KCNB2: variants seen among roughly 807,000 people sequenced by gnomAD.
KCNB2 encodes potassium voltage-gated channel subfamily B member 2, also known as delayed rectifier potassium channel protein.
KCNB2 carries 15 observed loss-of-function variants against 61.5 expected under a neutral mutation model. The ratio of observed to expected loss-of-function variants is 0.24; its 90% CI spans 0.16 to 0.38. The LOEUF (loss-of-function observed/expected upper bound fraction) is 0.38, where lower values mean the gene tolerates loss of function less well. Ranked by LOEUF, KCNB2 falls within the 10% of genes least tolerant of loss-of-function variation. KCNB2 has a pLI of 1.00. For missense variants in KCNB2, 828 were observed against 1,125.2 expected (o/e 0.74, Z 3.78); for synonymous variants, 457 against 446.0 (o/e 1.02, Z -0.31).
chr8:72,557,643 T>C (rs1563522214), intron 1 of KCNB2, among the ~76,000 whole-genome samples: 1 of 152,162 alleles, frequency 6.6e-6, no homozygotes, highest in Non-Finnish European at 1.5e-5. Context: ...CACAGAAATC[T>C]CACAGAACCA....
chr8:72,692,235 C>CA (rs34131843), intron 2 of KCNB2, among the ~76,000 whole-genome samples: 1,791 of 77,004 alleles, frequency 0.023, 42 homozygotes, highest in African/African-American at 0.062. Context: ...GACTCTGTCT[C>CA]AAAAAAAAAA....
At chr8:72,865,426 G>A (rs1805501278) in intron 2 of KCNB2, among the ~76,000 whole-genome samples, 1 of 151,868 alleles carries the variant, frequency 6.6e-6, no homozygotes. Context: ...TCTGAAAAAA[G>A]TCCCCTGGAA....
intron 2 of KCNB2, among the ~76,000 whole-genome samples, chr8:72,761,525 C>T (rs1487475741): frequency 6.6e-6 from 1 of 152,152 alleles, no homozygotes. Context: ...AGAGTGATTG[C>T]TGGAACCTTC....
chr8:72,727,758 A>G (rs11995908), intron 2 of KCNB2, among the ~76,000 whole-genome samples: 1 of 152,208 alleles, frequency 6.6e-6, no homozygotes, highest in Admixed American at 6.5e-5. Flanking sequence ...TAGACAAGAG[A>G]TCATATATCA....
At chr8:72,585,659 TG>T (rs1367821660) in intron 2 of KCNB2, among the ~76,000 whole-genome samples, 5 of 152,324 alleles carry the variant, frequency 3.3e-5, no homozygotes, top group African/African-American at 1.2e-4. Context: ...TGAGCCGTGA[TG>T]CCCAACGGAT....
chr8:72,553,984 C>T (rs1806383255), intron 1 of KCNB2, among the ~76,000 whole-genome samples: 2 of 152,044 alleles, frequency 1.3e-5, no homozygotes, highest in South Asian at 4.1e-4. Flanking sequence ...TAAATGCATA[C>T]TATATTCCAC....
chr8:72,925,390 G>C (rs1229642764), intron 2 of KCNB2, among the ~76,000 whole-genome samples: 5 of 152,114 alleles, frequency 3.3e-5, no homozygotes, highest in Admixed American at 2.6e-4. Flanking sequence ...CCTTAAACTG[G>C]TCTTCTCCCT....
intron 2 of KCNB2, among the ~76,000 whole-genome samples, chr8:72,924,820 C>T (rs917804323): frequency 6.6e-6 from 1 of 152,136 alleles, no homozygotes; most frequent in African/African-American, 2.4e-5. Flanking sequence ...GAACACCTGT[C>T]ATGCTTGCAA....
chr8:72,597,369 A>T (rs955240047), intron 2 of KCNB2, among the ~76,000 whole-genome samples: 1 of 152,038 alleles, frequency 6.6e-6, no homozygotes, highest in South Asian at 2.1e-4. Flanking sequence ...GGATCAACCC[A>T]CTGCATAAAG....
chr8:72,915,339 C>A (rs1305947029), intron 2 of KCNB2, among the ~76,000 whole-genome samples: 1 of 152,144 alleles, frequency 6.6e-6, no homozygotes, highest in Non-Finnish European at 1.5e-5. Flanking sequence ...CTATCCCAAA[C>A]AGAAAACAAG....
At chr8:72,872,862 T>C (rs972707043) in intron 2 of KCNB2, among the ~76,000 whole-genome samples, 1 of 152,332 alleles carries the variant, frequency 6.6e-6, no homozygotes, top group South Asian at 2.1e-4. Context: ...CATTTCTCTG[T>C]GTGGGCCAGC....
intron 2 of KCNB2, among the ~76,000 whole-genome samples, chr8:72,681,355 A>G (rs1806749608): frequency 6.6e-6 from 1 of 152,188 alleles, no homozygotes; most frequent in Admixed American, 6.5e-5. Flanking sequence ...TTAATTTTTT[A>G]CTTTTTAAAC....
At chr8:72,610,647 C>T (rs1805522605) in intron 2 of KCNB2, among the ~76,000 whole-genome samples, 1 of 152,140 alleles carries the variant, frequency 6.6e-6, no homozygotes, top group South Asian at 2.1e-4. Flanking sequence ...TATTAATCCT[C>T]ACAACTGACT....
intron 2 of KCNB2, among the ~76,000 whole-genome samples, chr8:72,709,583 C>G (rs1807291235): frequency 2.6e-5 from 4 of 151,768 alleles, no homozygotes; most frequent in Non-Finnish European, 4.4e-5. Context: ...GGAGAGATGC[C>G]ATACACTTTT....
At chr8:72,677,899 T>C (rs1020496175) in intron 2 of KCNB2, among the ~76,000 whole-genome samples, 1 of 152,232 alleles carries the variant, frequency 6.6e-6, no homozygotes, top group African/African-American at 2.4e-5. Flanking sequence ...CTCCTGGCTT[T>C]AGATAAAATA....
chr8:72,542,100 C>T (rs1323377756), intron 1 of KCNB2, among the ~76,000 whole-genome samples: 1 of 151,942 alleles, frequency 6.6e-6, no homozygotes, highest in Non-Finnish European at 1.5e-5. Context: ...ATTATGAAAA[C>T]ATAAATTGAG....
chr8:72,872,389 G>A lies in KCNB2; in HGVS notation c.580-63546G>A, dbSNP rs188947165. On this transcript the variant is annotated intron_variant, in intron 2 of 2. Transcript: ENST00000523207. ...CTTTCAAAGTTAAATCTCATAAACC[G>A]GCTTTCTTTGATGTGGTCTTCTGCA... Among the ~76,000 whole-genome samples the A allele has an allele frequency of 5.3e-4, 80 of 152,202 alleles. 1 individual carries two copies. The highest frequency in any genetic ancestry group is 1.8e-3 in the African/African-American group (75 of 41,546).
At chr8:72,561,137 T>G (rs1178033004) in intron 1 of KCNB2, among the ~76,000 whole-genome samples, 4 of 152,014 alleles carry the variant, frequency 2.6e-5, no homozygotes, top group Non-Finnish European at 5.9e-5. Context: ...AAAGCATCGG[T>G]TATATCAAGG....
chr8:72,708,450 C>T (rs1807270203), intron 2 of KCNB2, among the ~76,000 whole-genome samples: 2 of 152,156 alleles, frequency 1.3e-5, no homozygotes, highest in Non-Finnish European at 2.9e-5. Flanking sequence ...AATAAGGAAT[C>T]AATAGTTGAC....
Sources: allele counts gnomAD v4.1 joint callset (sites outside exome capture counted in the v4.1 genomes callset), GRCh38; gene constraint gnomAD v4.1.1; transcripts MANE v1.5; gene names NCBI Gene and HGNC (gene_info 2026-07-23, HGNC 2026-07-21).